TACC1: variants seen among roughly 807,000 people sequenced by gnomAD.
The protein encoded by TACC1 is transforming acidic coiled-coil containing protein 1, also known as transforming acidic coiled-coil-containing protein 1.
Under a neutral mutation model 84.4 loss-of-function variants are expected in TACC1, and 48 were observed. The ratio of observed to expected loss-of-function variants is 0.57; its 90% confidence interval spans 0.45 to 0.72. The LOEUF (loss-of-function observed/expected upper bound fraction) is 0.72, where lower values mean the gene tolerates loss of function less well. Ranked by LOEUF, TACC1 falls within the 30% of genes least tolerant of loss-of-function variation. TACC1 has a pLI of 0.00. For missense variants in TACC1, 920 were observed against 973.0 expected (o/e 0.95, Z 0.72); for synonymous variants, 372 against 376.3 (o/e 0.99, Z 0.13).
At chr8:38,847,855 G>A in intron 12 of TACC1, 100 bp from the exon 13 acceptor site, 2 of 931,092 alleles carry the variant, frequency 2.1e-6, no homozygotes, top group Non-Finnish European at 3.3e-6. Context: ...GAATTAGGAT[G>A]TCTAGGGTAG....
chr8:38,791,328 A>T (rs1380420996), intron 2 of TACC1, among the ~76,000 whole-genome samples: 1 of 152,220 alleles, frequency 6.6e-6, no homozygotes, highest in Non-Finnish European at 1.5e-5. Context: ...TCATGAATGC[A>T]GACTGTAATT....
intron 10 of TACC1, among the ~76,000 whole-genome samples, 155 bp from the exon 11 acceptor site, chr8:38,843,134 A>T (rs1470879345): frequency 6.6e-6 from 1 of 152,232 alleles, no homozygotes; most frequent in African/African-American, 2.4e-5. Context: ...CTCAGTGAGA[A>T]TTACATGTGG....
upstream of TACC1, chr8:38,787,156 G>A (rs1480160165): frequency 4.5e-5 from 44 of 984,236 alleles, no homozygotes; most frequent in Non-Finnish European, 4.9e-5. Context: ...GCGCGCGCGC[G>A]AGTAGTACGG....
rs561876380 is a variant in TACC1 at position 38,787,575 on chromosome 8, C to G, written c.-8C>G. ...CCCCTAGGAGCTGGAGCCGGAGGAG[C>G]CGCGCTCATGGCGTTCAGCCCGTGG... is the stretch of plus-strand genomic sequence containing the variant. On this transcript the variant is annotated 5_prime_UTR_variant, in exon 1 of 13. Transcript: ENST00000317827. 1.6e-4 allele frequency: 239 copies of G among 1,536,882 alleles called. 1 individual carries two copies. The highest frequency in any genetic ancestry group is 2.9e-4 in the Admixed American group (14 of 48,728).
chr8:38,807,434 C>G (rs1045581023), intron 2 of TACC1, among the ~76,000 whole-genome samples: 1 of 152,122 alleles, frequency 6.6e-6, no homozygotes, highest in African/African-American at 2.4e-5. Context: ...TCTAGAAACC[C>G]GTAAAAAGGG....
At chr8:38,803,811 G>T (rs755021202) in intron 2 of TACC1, among the ~76,000 whole-genome samples, 1 of 151,916 alleles carries the variant, frequency 6.6e-6, no homozygotes, top group South Asian at 2.1e-4. Flanking sequence ...TTCTTCCCTC[G>T]GTATTTTTTG....
At chr8:38,759,065 G>A (rs553943195) in intron 3 of TACC1, among the ~76,000 whole-genome samples, 1 of 152,228 alleles carries the variant, frequency 6.6e-6, no homozygotes, top group Non-Finnish European at 1.5e-5. Flanking sequence ...TGCCAAAGTC[G>A]ATTTAACTTT....
intron 3 of TACC1, among the ~76,000 whole-genome samples, chr8:38,749,793 T>C (rs1305992362): frequency 3.9e-5 from 6 of 152,154 alleles, no homozygotes; most frequent in African/African-American, 1.4e-4. Context: ...GGTTTCACCA[T>C]GTTGGTCAAG....
rs77000319 is a variant in TACC1 at position 38,808,047 on chromosome 8, A to C, written c.278-11475A>C. ...GGGCCAGAAGTGGAAATTTTGGTCT[A>C]TTTGTGGATTTCCTCTGTGTTTGCT... On this transcript the variant is annotated intron_variant, in intron 2 of 12. Coordinates refer to ENST00000317827, the MANE Select transcript of TACC1 (RefSeq NM_006283.3). 3.3e-5 allele frequency among the ~76,000 whole-genome samples: 5 copies of C among 152,300 alleles called. No individual in the cohort carries two copies. The East Asian group carries it at 9.6e-4, about 29-fold the overall frequency.
intron 3 of TACC1, among the ~76,000 whole-genome samples, chr8:38,755,809 G>GATC (rs1809921040): frequency 3.6e-5 from 1 of 27,482 alleles, no homozygotes; most frequent in African/African-American, 1.0e-4. Flanking sequence ...CAAGTGAAGA[G>GATC]ATCATTATTA....
intron 3 of TACC1, among the ~76,000 whole-genome samples, chr8:38,768,113 AAGGAAGGT>A (rs1402612645): frequency 3.7e-5 from 5 of 134,992 alleles, no homozygotes; most frequent in African/African-American, 1.4e-4. Flanking sequence ...GGAAGGAAGG[AAGGAAGGT>A]AGGGGAAGGG....
rs1817455624 is a variant in TACC1, at chr8:38,787,314, G to A, written c.-269G>A. 1 of 1,233,510 alleles carries A rather than the reference G, an allele frequency of 8.1e-7. No individual in the cohort carries two copies. The highest frequency in any genetic ancestry group is 1.6e-5 in the African/African-American group (1 of 62,990). 76.4% of individuals were successfully genotyped at this position (1,233,510 alleles called of 1,614,324 possible). ...GGCCGGGGGCCTGAGGAGGCCACAG[G>A]ACGGGCGTCTTCCCGGCTAGTGGAG... On this transcript the variant is annotated 5_prime_UTR_variant, in exon 1 of 13. Transcript: ENST00000317827.
At chr8:38,735,552 A>T (rs1195724609) in intron 1 of TACC1, among the ~76,000 whole-genome samples, 1 of 152,064 alleles carries the variant, frequency 6.6e-6, no homozygotes. Flanking sequence ...CGCTGCTTCC[A>T]TGGGCTGGTG....
At position 38,787,704 on chromosome 8, in the gene TACC1, A is replaced by C; in HGVS notation, c.122A>C (p.Glu41Ala). 1.3e-6 allele frequency: 2 copies of C among 1,536,436 alleles called. No homozygotes were observed. Among genetic ancestry groups the C allele is most frequent in the East Asian group, 2.5e-5 (1 of 39,926 alleles). ...EAGGPEGDPE[E>A]EDSQAETKSL... Reference sequence around the variant, plus strand: ...GGCGGGCCCGAGGGCGACCCCGAGGAGGAGGATTCGCAAGCCGAGACCAAA... The same window carrying C: ...GGCGGGCCCGAGGGCGACCCCGAGGCGGAGGATTCGCAAGCCGAGACCAAA... The change falls in exon 1 of 13, where the codon GAG becomes GCG. Residue 41 changes from glutamate (E) to alanine (A), a missense_variant. Around this residue, in one of 2 missense-constraint regions of TACC1, gnomAD observed 762 missense variants for 747.3 expected, o/e 1.02. Transcript: ENST00000317827.
At position 38,850,367 on chromosome 8, in the gene TACC1, A is replaced by G. The variant is rs1391941899; in HGVS notation, c.*2344A>G. The stretch of plus-strand genomic sequence containing the variant: ...GAGAATATACTGGGCAGAATGAAGT[A>G]TGTTTGTTTATTTTTCTTTAAAAAT... On this transcript the variant is annotated 3_prime_UTR_variant, in exon 13 of 13. Transcript: ENST00000317827. 1 of 152,210 alleles carries G rather than the reference A, an allele frequency of 6.6e-6. No individual in the cohort carries two copies. The highest frequency in any genetic ancestry group is 2.4e-5 in the African/African-American group (1 of 41,450). 9.4% of individuals were successfully genotyped at this position (152,210 alleles called of 1,614,324 possible).
At chr8:38,811,835 G>T (rs1824232157) in intron 2 of TACC1, among the ~76,000 whole-genome samples, 1 of 152,204 alleles carries the variant, frequency 6.6e-6, no homozygotes, top group Admixed American at 6.5e-5. Flanking sequence ...TGCCTGTGGG[G>T]TCGGGCAGAA....
At chr8:38,784,018 T>G (rs1197368456), upstream of TACC1, among the ~76,000 whole-genome samples, 1 of 152,218 alleles carries the variant, frequency 6.6e-6, no homozygotes, top group Non-Finnish European at 1.5e-5. Context: ...CTGGTTAGAC[T>G]GAGGTAGGGC....
At chr8:38,823,688 C>T (rs930797050) in intron 3 of TACC1, among the ~76,000 whole-genome samples, 1 of 152,092 alleles carries the variant, frequency 6.6e-6, no homozygotes, top group Non-Finnish European at 1.5e-5. Flanking sequence ...ATCTTGTCGT[C>T]TTGTTCTTTT....
chr8:38,787,370 T>G lies in TACC1; in HGVS notation c.-213T>G. 2 of 1,321,234 alleles carry G rather than the reference T, an allele frequency of 1.5e-6. No homozygotes were observed. The highest frequency in any genetic ancestry group is 9.6e-7 in the Non-Finnish European group (1 of 1,040,606). The allele number at this position is 1,321,234 out of a possible 1,614,324, so 81.8% of individuals were successfully genotyped here. ...CGCGGGGCCCGCTGCGGCCGCACCG[T>G]GAGGGGAGGAGGCCGAGGAGGACGC... On this transcript the variant is annotated 5_prime_UTR_variant, in exon 1 of 13. Transcript: ENST00000317827.
Sources: allele counts gnomAD v4.1 joint callset (sites outside exome capture counted in the v4.1 genomes callset), GRCh38; gene constraint gnomAD v4.1.1; regional missense constraint gnomAD v4.1.1; transcripts MANE v1.5; gene names NCBI Gene and HGNC (gene_info 2026-07-23, HGNC 2026-07-21).